Variants in ARHGAP15 observed in about 807,000 individuals in gnomAD.
The protein encoded by ARHGAP15 is rho GTPase-activating protein 15.
ARHGAP15 carries 51 observed loss-of-function variants against 63.7 expected under a neutral mutation model. The ratio of observed to expected loss-of-function variants is 0.80; its 90% CI spans 0.64 to 1.01. ARHGAP15 has a LOEUF of 1.01. Among genes scored for constraint, ARHGAP15 ranks in the 50% least tolerant of loss-of-function variants. The pLI is 0.00. For missense variants in ARHGAP15, 560 were observed against 564.6 expected (o/e 0.99, Z 0.08); for synonymous variants, 191 against 193.8 (o/e 0.99, Z 0.12).
intron 10 of ARHGAP15, among the ~76,000 whole-genome samples, chr2:143,520,978 G>A (rs766069031): frequency 2.0e-5 from 3 of 152,136 alleles, no homozygotes; most frequent in African/African-American, 4.8e-5. Context: ...AGTAGAAAAC[G>A]TCTATAAATA....
chr2:143,740,586 T>G (rs1685924341), intron 13 of ARHGAP15, among the ~76,000 whole-genome samples: 1 of 152,232 alleles, frequency 6.6e-6, no homozygotes, highest in African/African-American at 2.4e-5. Flanking sequence ...TTGAGAAATT[T>G]ACATCAAAAC....
chr2:143,379,308 C>T (rs1050878112), intron 6 of ARHGAP15, among the ~76,000 whole-genome samples: 10 of 151,636 alleles, frequency 6.6e-5, no homozygotes, highest in Non-Finnish European at 1.3e-4. Context: ...GTAAAATGAC[C>T]CACACTGATC....
chr2:143,430,747 TATATC>T (rs763811055), intron 6 of ARHGAP15, among the ~76,000 whole-genome samples: 117 of 152,172 alleles, frequency 7.7e-4, no homozygotes, highest in Admixed American at 1.5e-3. Flanking sequence ...ATATAAAAAT[TATATC>T]ATGAAGTCCA....
intron 3 of ARHGAP15, among the ~76,000 whole-genome samples, chr2:143,216,010 GA>G (rs1195363554): frequency 6.6e-6 from 1 of 152,208 alleles, no homozygotes; most frequent in Non-Finnish European, 1.5e-5. Context: ...GGTACATGGG[GA>G]GGCTTGAAAA....
chr2:143,153,174 T>G (rs1396473081), intron 1 of ARHGAP15, among the ~76,000 whole-genome samples: 2 of 151,960 alleles, frequency 1.3e-5, no homozygotes, highest in South Asian at 2.1e-4. Flanking sequence ...GGTTGGGCTA[T>G]GTAAACACCG....
At chr2:143,364,266 A>ATT (rs1274768815) in intron 6 of ARHGAP15, among the ~76,000 whole-genome samples, 1 of 152,118 alleles carries the variant, frequency 6.6e-6, no homozygotes, top group Non-Finnish European at 1.5e-5. Context: ...TCTGAATAAT[A>ATT]TTGTAGGCAC....
chr2:143,262,226 G>A (rs935406113), intron 6 of ARHGAP15, among the ~76,000 whole-genome samples: 9 of 152,158 alleles, frequency 5.9e-5, no homozygotes, highest in Admixed American at 5.9e-4. Context: ...AGCATCTGAT[G>A]CAATTTACCG....
intron 12 of ARHGAP15, among the ~76,000 whole-genome samples, chr2:143,647,575 CATT>C (rs1032206481): frequency 6.6e-6 from 1 of 151,848 alleles, no homozygotes; most frequent in African/African-American, 2.4e-5. Context: ...TTATGTGAAT[CATT>C]GAGTTACAAA....
intron 13 of ARHGAP15, among the ~76,000 whole-genome samples, chr2:143,756,677 C>T (rs1312253432): frequency 6.6e-6 from 1 of 151,924 alleles, no homozygotes; most frequent in Non-Finnish European, 1.5e-5. Context: ...AATCATTGTG[C>T]TAATAGGGCA....
At chr2:143,709,317 GAAAAT>G (rs2105436968) in intron 13 of ARHGAP15, among the ~76,000 whole-genome samples, 1 of 152,214 alleles carries the variant, frequency 6.6e-6, no homozygotes, top group South Asian at 2.1e-4. Context: ...ATTACTCAGA[GAAAAT>G]AAAATGTCTT....
chr2:143,362,133 C>T (rs1339219250), intron 6 of ARHGAP15, among the ~76,000 whole-genome samples: 1 of 152,180 alleles, frequency 6.6e-6, no homozygotes, highest in Non-Finnish European at 1.5e-5. Flanking sequence ...TTCCTAATCG[C>T]TTTCCCCAAC....
At chr2:143,320,409 C>CCCGCCCCCCCCCG (rs1553463619) in intron 6 of ARHGAP15, among the ~76,000 whole-genome samples, 7 of 15,132 alleles carry the variant, frequency 4.6e-4, no homozygotes, top group Admixed American at 6.0e-4. Context: ...GACTTCCCCA[C>CCCGCCCCCCCCCG]CCCCCCCCCC....
chr2:143,588,195 C>A (rs1697183608), intron 11 of ARHGAP15, among the ~76,000 whole-genome samples: 1 of 152,176 alleles, frequency 6.6e-6, no homozygotes, highest in Non-Finnish European at 1.5e-5. Context: ...CTCCATCTAA[C>A]TTTCTTCCCT....
At chr2:143,186,334 T>C (rs923787332) in intron 2 of ARHGAP15, among the ~76,000 whole-genome samples, 2 of 152,222 alleles carry the variant, frequency 1.3e-5, no homozygotes, top group Non-Finnish European at 2.9e-5. Flanking sequence ...TTTTCTGTTT[T>C]AAAGTTTAGC....
intron 6 of ARHGAP15, among the ~76,000 whole-genome samples, chr2:143,413,064 T>C (rs1260049914): frequency 6.6e-6 from 1 of 152,230 alleles, no homozygotes; most frequent in Non-Finnish European, 1.5e-5. Flanking sequence ...TCTAGATTTA[T>C]TATGGATCCA....
At chr2:143,658,602 T>C (rs1217014097) in intron 12 of ARHGAP15, among the ~76,000 whole-genome samples, 1 of 152,146 alleles carries the variant, frequency 6.6e-6, no homozygotes, top group East Asian at 1.9e-4. Context: ...TTTGTTCATA[T>C]GGGGATTCAA....
chr2:143,204,037 G>A (rs1485996317), intron 3 of ARHGAP15, among the ~76,000 whole-genome samples: 1 of 152,078 alleles, frequency 6.6e-6, no homozygotes, highest in African/African-American at 2.4e-5. Context: ...AGGTGCTTCA[G>A]TCAAAACACT....
At chr2:143,462,046 G>A (rs1355262527) in intron 8 of ARHGAP15, among the ~76,000 whole-genome samples, 1 of 152,074 alleles carries the variant, frequency 6.6e-6, no homozygotes, top group Non-Finnish European at 1.5e-5. Flanking sequence ...AGTAGTTCCA[G>A]CTACTCAGGA....
At chr2:143,313,592 G>A (rs909877402) in intron 6 of ARHGAP15, among the ~76,000 whole-genome samples, 1 of 152,082 alleles carries the variant, frequency 6.6e-6, no homozygotes, top group Admixed American at 6.6e-5. Flanking sequence ...AGGGTAGGTT[G>A]GTGGAACAAG....
Sources: allele counts gnomAD v4.1 joint callset (sites outside exome capture counted in the v4.1 genomes callset), GRCh38; gene constraint gnomAD v4.1.1; transcripts MANE v1.5; gene names NCBI Gene and HGNC (gene_info 2026-07-23, HGNC 2026-07-21).